Variants in BRINP1 observed in about 807,000 individuals in gnomAD.
BRINP1 encodes the protein BMP/retinoic acid inducible neural specific 1.
A neutral mutation model predicts 72.9 loss-of-function variants in BRINP1; 17 were observed. The ratio of observed to expected loss-of-function variants is 0.23; its 90% CI spans 0.16 to 0.35. BRINP1 has a LOEUF of 0.35. Ranked by LOEUF, BRINP1 falls within the 10% of genes least tolerant of loss-of-function variation. BRINP1 has a pLI of 1.00. For synonymous variants in BRINP1, 418 were observed against 378.5 expected (o/e 1.10, Z -1.21); for missense variants, 850 against 1,001.6 (o/e 0.85, Z 2.04).
At chr9:119,346,352 T>C (rs538274478) in intron 1 of BRINP1, among the ~76,000 whole-genome samples, 15 of 152,310 alleles carry the variant, frequency 9.8e-5, no homozygotes, top group African/African-American at 2.9e-4. Context: ...CAAATCAAAT[T>C]TGTAAAACCA....
At chr9:119,295,196 A>AT (rs1404929442) in intron 2 of BRINP1, among the ~76,000 whole-genome samples, 12 of 151,948 alleles carry the variant, frequency 7.9e-5, no homozygotes, top group Non-Finnish European at 5.9e-5. Context: ...AGACTGGGTT[A>AT]TGAGACTGGC....
chr9:119,174,004 C>G (rs1433645089), intron 7 of BRINP1, among the ~76,000 whole-genome samples: 1 of 109,146 alleles, frequency 9.2e-6, no homozygotes, highest in Non-Finnish European at 1.6e-5. Flanking sequence ...GGATTAAAGA[C>G]TTAAACGTTA....
At chr9:119,343,070 G>A (rs1831420161) in intron 1 of BRINP1, among the ~76,000 whole-genome samples, 1 of 152,194 alleles carries the variant, frequency 6.6e-6, no homozygotes, top group South Asian at 2.1e-4. Flanking sequence ...CTGCAACATA[G>A]GAAGCATGCA....
chr9:119,237,125 TC>T (rs1830199388), intron 5 of BRINP1, among the ~76,000 whole-genome samples: 1 of 152,070 alleles, frequency 6.6e-6, no homozygotes, highest in Non-Finnish European at 1.5e-5. Context: ...CCCAACTTCC[TC>T]CCACTGACAT....
chr9:119,190,058 T>C (rs230082), intron 7 of BRINP1, among the ~76,000 whole-genome samples: 19,972 of 151,814 alleles, frequency 0.13, 2,299 homozygotes, highest in African/African-American at 0.31. Context: ...TAAAAGAACA[T>C]GCTCCTTAAC....
intron 1 of BRINP1, among the ~76,000 whole-genome samples, chr9:119,323,608 C>T (rs562750817): frequency 1.3e-5 from 2 of 152,322 alleles, no homozygotes; most frequent in East Asian, 3.9e-4. Flanking sequence ...AAAAGGAAAA[C>T]TCCAAAAACA....
At position 119,297,860 on chromosome 9, in the gene BRINP1, C is replaced by T. The variant is rs913988756; in HGVS notation, c.218+15278G>A. ...AAAATAATAACAAATGCAGGTTGAG[C>T]TGAAACAGAGAAAGAACTTTGTTCT... On this transcript the variant is annotated intron_variant, in intron 2 of 7. Transcript: ENST00000265922. Among the ~76,000 whole-genome samples, 6 of 152,212 alleles carry T rather than the reference C, an allele frequency of 3.9e-5. No homozygotes were observed. The South Asian group carries it at 8.3e-4, about 21-fold the overall frequency.
At chr9:119,276,272 C>A (rs73661140) in intron 2 of BRINP1, among the ~76,000 whole-genome samples, 1 of 152,076 alleles carries the variant, frequency 6.6e-6, no homozygotes, top group Non-Finnish European at 1.5e-5. Context: ...CAAAGCAATA[C>A]GTGAATACAG....
chr9:119,278,857 C>T (rs562981852), intron 2 of BRINP1, among the ~76,000 whole-genome samples: 86 of 152,112 alleles, frequency 5.7e-4, no homozygotes, highest in African/African-American at 1.6e-3. Flanking sequence ...CACTGCACTC[C>T]GACATGGTAA....
intron 2 of BRINP1, among the ~76,000 whole-genome samples, chr9:119,256,951 T>C (rs1830452921): frequency 6.6e-6 from 1 of 152,178 alleles, no homozygotes; most frequent in Non-Finnish European, 1.5e-5. Context: ...CATACACATC[T>C]TATAGGCCGT....
At chr9:119,349,667 G>T (rs1296228621) in intron 1 of BRINP1, among the ~76,000 whole-genome samples, 1 of 152,190 alleles carries the variant, frequency 6.6e-6, no homozygotes, top group African/African-American at 2.4e-5. Context: ...CAAAGCATCA[G>T]TGCAGTGAAT....
At chr9:119,282,904 GC>G (rs1421588568) in intron 2 of BRINP1, 17 of 985,292 alleles carry the variant, frequency 1.7e-5, no homozygotes, top group Admixed American at 6.1e-5. Flanking sequence ...AAACACAAAA[GC>G]TCTATGCCCC....
chr9:119,264,640 T>C (rs974705454), intron 2 of BRINP1, among the ~76,000 whole-genome samples: 1 of 152,198 alleles, frequency 6.6e-6, no homozygotes, highest in African/African-American at 2.4e-5. Flanking sequence ...TATATGAACT[T>C]TCAGAAACTA....
At chr9:119,322,597 A>T (rs1045688092) in intron 1 of BRINP1, among the ~76,000 whole-genome samples, 8 of 152,148 alleles carry the variant, frequency 5.3e-5, no homozygotes, top group African/African-American at 1.9e-4. Flanking sequence ...CCAGAGGTAG[A>T]AGGGAATGCC....
chr9:119,293,483 G>A (rs1286234451), intron 2 of BRINP1, among the ~76,000 whole-genome samples: 4 of 152,134 alleles, frequency 2.6e-5, no homozygotes, highest in African/African-American at 4.8e-5. Context: ...CTGAGAACCA[G>A]TGATAATAAG....
chr9:119,318,848 T>G (rs77952009), intron 1 of BRINP1, among the ~76,000 whole-genome samples: 2,592 of 63,180 alleles, frequency 0.041, 80 homozygotes, highest in African/African-American at 0.076. Context: ...GTGTGGGGTG[T>G]GTGTGTGTGT....
intron 1 of BRINP1, among the ~76,000 whole-genome samples, chr9:119,339,293 G>C (rs1831384601): frequency 6.6e-6 from 1 of 152,216 alleles, no homozygotes; most frequent in Non-Finnish European, 1.5e-5. Flanking sequence ...GAGCGGGCCA[G>C]ATTTGGCCCA....
At chr9:119,360,184 C>G (rs1032924299) in intron 1 of BRINP1, among the ~76,000 whole-genome samples, 4 of 152,244 alleles carry the variant, frequency 2.6e-5, no homozygotes, top group Admixed American at 1.3e-4. Flanking sequence ...ATGTGGACCA[C>G]TTCACCTAAA....
In BRINP1 at chr9:119,369,231, T is replaced by C; in HGVS notation, c.-226A>G. ...GCTCATACTCAGCCGTAAAGTCCCCTTCGCTGGTCCCGAGGACAGGCATGA... is the reference window on the plus strand; with the variant it reads ...GCTCATACTCAGCCGTAAAGTCCCCCTCGCTGGTCCCGAGGACAGGCATGA... On this transcript the variant is annotated 5_prime_UTR_variant, in exon 1 of 8. Coordinates refer to ENST00000265922, the MANE Select transcript of BRINP1 (RefSeq NM_014618.3). 2 of 398,642 alleles carry C rather than the reference T, an allele frequency of 5.0e-6. No homozygotes were observed. Among genetic ancestry groups the C allele is most frequent in the Non-Finnish European group, 4.4e-6 (1 of 226,074 alleles). The allele number at this position is 398,642 out of a possible 1,614,324, so 24.7% of individuals were successfully genotyped here.
Sources: allele counts gnomAD v4.1 joint callset (sites outside exome capture counted in the v4.1 genomes callset), GRCh38; gene constraint gnomAD v4.1.1; transcripts MANE v1.5; gene names NCBI Gene and HGNC (gene_info 2026-07-23, HGNC 2026-07-21).